WAC: variants seen among roughly 807,000 people sequenced by gnomAD.
WAC encodes WW domain-containing adapter protein with coiled-coil.
In WAC, 11 loss-of-function variants were observed where a neutral mutation model predicts 79.6. The observed-to-expected ratio is 0.14, with a 90% CI of 0.09 to 0.23. The LOEUF (loss-of-function observed/expected upper bound fraction) is 0.23. WAC is among the 10% of genes least tolerant of loss of function. The pLI is 1.00. For synonymous variants in WAC, 304 were observed against 276.9 expected, an observed-to-expected ratio of 1.10 and a Z score of -0.97; for missense variants, 728 against 773.5, an observed-to-expected ratio of 0.94 and a Z score of 0.70.
chr10:28,617,288 G>C (rs1841514068), intron 12 of WAC, among the ~76,000 whole-genome samples: 1 of 152,190 alleles, frequency 6.6e-6, no homozygotes, highest in Non-Finnish European at 1.5e-5. Flanking sequence ...TACGATAGAG[G>C]AGTATAGTGA....
At position 28,620,395 on chromosome 10, in the gene WAC, C is replaced by T. The variant is rs1233827500; in HGVS notation, c.*789C>T. 6.6e-6 allele frequency: 1 copy of T among 152,546 alleles called. No individual in the cohort carries two copies. The highest frequency in any genetic ancestry group is 1.5e-5 in the Non-Finnish European group (1 of 68,054). The allele number at this position is 152,546 out of a possible 1,614,324, so 9.4% of individuals were successfully genotyped here. A position where few individuals can be genotyped will look rare whatever the true frequency, so the allele number is the denominator to read the frequency against. On this transcript the variant is annotated 3_prime_UTR_variant, in exon 14 of 14. Transcript: ENST00000354911. ...GTTAAGAATGGACTTAAAAGTACTG[C>T]TGGACAGGCATGTGTGCTCAAAGTA...
At position 28,543,403 on chromosome 10, in the gene WAC, C is replaced by A. The variant is rs184970772; in HGVS notation, c.274+7646C>A. On this transcript the variant is annotated intron_variant, in intron 3 of 13. Coordinates refer to ENST00000354911, the MANE Select transcript of WAC (RefSeq NM_016628.5). ...ACTATAATGACATACTTTACATTCC[C>A]TTTTTGGTACAAGATCTTTGAAACC... 5.3e-5 allele frequency among the ~76,000 whole-genome samples: 8 copies of A among 152,280 alleles called. No individual in the cohort carries two copies. In the East Asian group the frequency reaches 1.4e-3, roughly 26 times the overall value.
intron 7 of WAC, among the ~76,000 whole-genome samples, chr10:28,599,129 C>G (rs1255951681): frequency 6.6e-6 from 1 of 151,968 alleles, no homozygotes; most frequent in African/African-American, 2.4e-5. Flanking sequence ...TTAAATTAAG[C>G]TTTCTATTGA....
chr10:28,598,055 A>G (rs905622708), intron 7 of WAC, among the ~76,000 whole-genome samples: 2 of 152,170 alleles, frequency 1.3e-5, no homozygotes, highest in African/African-American at 4.8e-5. Context: ...GGTGCGAGCC[A>G]CCGTACCTGG....
At chr10:28,588,376 G>C (rs796679246) in intron 4 of WAC, among the ~76,000 whole-genome samples, 3 of 152,146 alleles carry the variant, frequency 2.0e-5, no homozygotes, top group African/African-American at 7.2e-5. Context: ...ATGTAAACCT[G>C]AGCATATAAA....
Position 28,533,862 on chromosome 10 carries a change from T to C in WAC, c.42-136T>C, listed in dbSNP as rs573100307. The C allele has an allele frequency of 4.7e-4, 541 of 1,156,844 alleles. 3 individuals are homozygous for C. The highest frequency in any genetic ancestry group is 2.9e-3 in the Middle Eastern group (10 of 3,398). 71.7% of individuals were successfully genotyped at this position (1,156,844 alleles called of 1,614,324 possible). The stretch of plus-strand genomic sequence containing the variant: ...TTCCGGAGGCTCCGGGTTTGTGCCG[T>C]GTGCGTGCGGGGCTCGGCGCTGGGG... On this transcript the variant is annotated intron_variant, in intron 1 of 13. Transcript: ENST00000354911.
chr10:28,614,223 A>T (rs1841375982), intron 10 of WAC, among the ~76,000 whole-genome samples: 1 of 151,670 alleles, frequency 6.6e-6, no homozygotes, highest in South Asian at 2.1e-4. Context: ...CTCCTGCCTC[A>T]GCCTCCCGAG....
At chr10:28,613,033 A>G (rs1298305910) in intron 10 of WAC, among the ~76,000 whole-genome samples, 1 of 152,158 alleles carries the variant, frequency 6.6e-6, no homozygotes, top group Non-Finnish European at 1.5e-5. Context: ...CTATAATTAC[A>G]GCACTTAGGA....
intron 10 of WAC, among the ~76,000 whole-genome samples, chr10:28,614,059 G>A (rs1259671094): frequency 2.0e-5 from 3 of 151,818 alleles, no homozygotes; most frequent in Middle Eastern, 3.2e-3. Flanking sequence ...TAAATCAGAA[G>A]AGATAATAAT....
At chr10:28,534,114 A>G (rs1836472701) in intron 2 of WAC, 80 bp downstream of exon 2, 1 of 1,398,084 alleles carries the variant, frequency 7.2e-7, no homozygotes, top group South Asian at 1.4e-5. Context: ...CGCAGGCCTC[A>G]GAAGTCGATA....
Position 28,615,997 on chromosome 10 carries a change from T to C in WAC, c.1557-176T>C. 5 of 498,008 alleles carry C rather than the reference T, an allele frequency of 1.0e-5. No homozygotes were observed. The South Asian group carries it at 2.4e-4, about 24-fold the overall frequency. The allele number at this position is 498,008 out of a possible 1,614,324, so 30.8% of individuals were successfully genotyped here. ...AAGGGTTTTTTCCCCCTAAAGTGTT[T>C]TGAGGAATCATATACTTTGGATTAT... On this transcript the variant is annotated intron_variant, in intron 11 of 13. Transcript: ENST00000354911.
intron 4 of WAC, among the ~76,000 whole-genome samples, chr10:28,586,280 C>A (rs1051682228): frequency 6.6e-6 from 1 of 152,078 alleles, no homozygotes; most frequent in Non-Finnish European, 1.5e-5. Context: ...AATGTACTTC[C>A]CTGCTAAGTC....
At chr10:28,613,922 A>T (rs989047494) in intron 10 of WAC, among the ~76,000 whole-genome samples, 1 of 152,220 alleles carries the variant, frequency 6.6e-6, no homozygotes, top group African/African-American at 2.4e-5. Context: ...GTTGAACTTT[A>T]TATGGGCCAT....
intron 3 of WAC, among the ~76,000 whole-genome samples, chr10:28,547,016 A>G (rs982464040): frequency 1.3e-5 from 2 of 151,960 alleles, no homozygotes; most frequent in African/African-American, 4.8e-5. Context: ...CTTTGTCGAT[A>G]TTTTTGGGAT....
intron 3 of WAC, among the ~76,000 whole-genome samples, chr10:28,567,205 T>C (rs1378451270): frequency 6.6e-6 from 1 of 152,008 alleles, no homozygotes; most frequent in East Asian, 1.9e-4. Context: ...TTCTTTTTTG[T>C]TGGGGGGACT....
At chr10:28,542,166 GCTCA>G (rs1378731186) in intron 3 of WAC, among the ~76,000 whole-genome samples, 5 of 152,090 alleles carry the variant, frequency 3.3e-5, no homozygotes, top group African/African-American at 9.7e-5. Flanking sequence ...CTCCTACTGT[GCTCA>G]CTCACTTCAG....
Position 28,592,039 on chromosome 10 carries a change from T to A in WAC, c.610+1207T>A, listed in dbSNP as rs139831353. Reference sequence around the variant, plus strand: ...ATTGAGTTTTTGATGGGAGAAAATATTTAAGATGAAACAGTAACATACATC... The same window carrying A: ...ATTGAGTTTTTGATGGGAGAAAATAATTAAGATGAAACAGTAACATACATC... On this transcript the variant is annotated intron_variant, in intron 6 of 13. Coordinates refer to ENST00000354911, the MANE Select transcript of WAC (RefSeq NM_016628.5). 9.9e-4 allele frequency among the ~76,000 whole-genome samples: 151 copies of A among 152,242 alleles called. 1 individual carries two copies. Among genetic ancestry groups the A allele is most frequent in the Non-Finnish European group, 1.3e-4 (9 of 68,040 alleles).
At chr10:28,559,137 TGTG>T (rs909619144) in intron 3 of WAC, among the ~76,000 whole-genome samples, 1 of 6,704 alleles carries the variant, frequency 1.5e-4, no homozygotes, top group African/African-American at 5.9e-4. Flanking sequence ...AGAAACCTGA[TGTG>T]TGTGTGTGTG....
chr10:28,563,879 G>A (rs1389722561), intron 3 of WAC, among the ~76,000 whole-genome samples: 1 of 151,000 alleles, frequency 6.6e-6, no homozygotes, highest in Non-Finnish European at 1.5e-5. Context: ...AATTAAAAGC[G>A]TGAGCCACTG....
Sources: gnomAD v4.1 joint callset for allele counts (sites outside exome capture counted in the v4.1 genomes callset) on GRCh38, gnomAD v4.1.1 for gene constraint, MANE v1.5 for transcripts, NCBI Gene and HGNC (gene_info 2026-07-23, HGNC 2026-07-21) for gene names.